The following VRK2 variants were observed in gnomAD, a reference collection of about 807,000 sequenced individuals.
VRK2 encodes serine/threonine-protein kinase VRK2.
In VRK2, 60 loss-of-function variants were observed where a neutral mutation model predicts 57.6. The observed-to-expected ratio is 1.04, with a 90% CI of 0.85 to 1.29. VRK2 has a LOEUF of 1.29. Among genes scored for constraint, VRK2 ranks in the 50% most tolerant of loss-of-function variants. The probability of loss-of-function intolerance (pLI) is 0.00; values close to 1 mark genes in which losing one functional copy is unlikely to be tolerated. For synonymous variants in VRK2, 231 were observed against 199.2 expected (o/e 1.16, Z -1.35); for missense variants, 705 against 588.1 (o/e 1.20, Z -2.06).
At chr2:57,935,575 G>T (rs888551477) in intron 1 of VRK2, among the ~76,000 whole-genome samples, 1 of 152,128 alleles carries the variant, frequency 6.6e-6, no homozygotes, top group Non-Finnish European at 1.5e-5. Context: ...TGTCCCTTGT[G>T]GGTCCGGAGG....
intron 8 of VRK2, among the ~76,000 whole-genome samples, chr2:58,123,562 T>G (rs1026619163): frequency 1.3e-5 from 2 of 152,024 alleles, no homozygotes; most frequent in African/African-American, 4.8e-5. Flanking sequence ...TATTACAGAT[T>G]TGGTAAAGTT....
chr2:57,989,369 T>G (rs10496083), intron 1 of VRK2, among the ~76,000 whole-genome samples: 6,811 of 152,322 alleles, frequency 0.045, 202 homozygotes, highest in East Asian at 0.1. Context: ...GCAATATTTC[T>G]TAATATAATT....
intron 1 of VRK2, among the ~76,000 whole-genome samples, chr2:57,924,418 C>T (rs140937678): frequency 6.6e-6 from 1 of 151,846 alleles, no homozygotes; most frequent in East Asian, 1.9e-4. Context: ...TTATAGTTTT[C>T]ATTGCAGAGA....
At chr2:58,027,337 T>A (rs1479718088) in intron 2 of VRK2, among the ~76,000 whole-genome samples, 1 of 152,096 alleles carries the variant, frequency 6.6e-6, no homozygotes, top group African/African-American at 2.4e-5. Context: ...ATTCAAATTA[T>A]ATCCAGGGAA....
At chr2:58,061,946 A>G (rs1402701504) in intron 2 of VRK2, among the ~76,000 whole-genome samples, 2 of 152,008 alleles carry the variant, frequency 1.3e-5, no homozygotes, top group East Asian at 3.9e-4. Flanking sequence ...TATCTGTTGC[A>G]TATTCAGGCT....
intron 1 of VRK2, among the ~76,000 whole-genome samples, chr2:57,913,606 C>T (rs1229594324): frequency 1.3e-5 from 2 of 152,072 alleles, no homozygotes; most frequent in African/African-American, 2.4e-5. Flanking sequence ...TATTATATTG[C>T]ACCCAAATAT....
chr2:58,015,786 A>G (rs1350424389), intron 1 of VRK2, among the ~76,000 whole-genome samples: 2 of 152,188 alleles, frequency 1.3e-5, no homozygotes, highest in Non-Finnish European at 2.9e-5. Context: ...ATTGCACAGC[A>G]TGGGAAAACA....
intron 7 of VRK2, among the ~76,000 whole-genome samples, chr2:58,111,019 G>GTTT (rs1472385125): frequency 6.6e-6 from 1 of 152,162 alleles, no homozygotes; most frequent in Non-Finnish European, 1.5e-5. Context: ...TACAAGTAAA[G>GTTT]GGCCGCTTCT....
chr2:57,992,926 C>T (rs938841926), intron 1 of VRK2, among the ~76,000 whole-genome samples: 1 of 152,118 alleles, frequency 6.6e-6, no homozygotes. Context: ...AGCCAAAGTG[C>T]CTGCATTCTG....
At chr2:58,025,977 A>G (rs1215167878) in intron 2 of VRK2, among the ~76,000 whole-genome samples, 1 of 152,188 alleles carries the variant, frequency 6.6e-6, no homozygotes. Context: ...CTGTGATTTC[A>G]GTACAGATGA....
At chr2:58,060,676 A>G (rs1020833027) in intron 2 of VRK2, among the ~76,000 whole-genome samples, 3 of 151,932 alleles carry the variant, frequency 2.0e-5, no homozygotes, top group Non-Finnish European at 4.4e-5. Flanking sequence ...CGTGAGAAAG[A>G]TTTCCCTTAT....
intron 7 of VRK2, among the ~76,000 whole-genome samples, chr2:58,112,467 TAGTAGAACTCTC>T (rs1481246707): frequency 6.6e-6 from 1 of 152,142 alleles, no homozygotes; most frequent in African/African-American, 2.4e-5. Flanking sequence ...TGAGTTATCT[TAGTAGAACTCTC>T]AGTGTGACCT....
intron 1 of VRK2, among the ~76,000 whole-genome samples, chr2:57,958,058 T>A (rs1671640131): frequency 6.6e-6 from 1 of 152,068 alleles, no homozygotes; most frequent in Admixed American, 6.6e-5. Flanking sequence ...CACAGGAGGA[T>A]CTCAGGCACT....
chr2:58,128,543 G>T (rs958567792), intron 8 of VRK2, among the ~76,000 whole-genome samples: 10 of 152,090 alleles, frequency 6.6e-5, no homozygotes, highest in African/African-American at 2.4e-4. Context: ...TGTTGGCCGG[G>T]CTGGTCTTAA....
chr2:57,943,239 A>C (rs2103960683), intron 1 of VRK2, among the ~76,000 whole-genome samples: 1 of 152,328 alleles, frequency 6.6e-6, no homozygotes, highest in South Asian at 2.1e-4. Context: ...TATCCAGCAG[A>C]CCACACCACT....
intron 5 of VRK2, among the ~76,000 whole-genome samples, chr2:58,087,717 G>A (rs1227363461): frequency 1.3e-5 from 2 of 152,220 alleles, no homozygotes; most frequent in South Asian, 4.1e-4. Context: ...GGCTGGGCAC[G>A]GTGGCTCATG....
chr2:58,060,805 G>C (rs559085698), intron 2 of VRK2, among the ~76,000 whole-genome samples: 1 of 151,900 alleles, frequency 6.6e-6, no homozygotes, highest in Admixed American at 6.6e-5. Context: ...TTAAGGAAGG[G>C]AGGTCAACTA....
At chr2:57,939,466 C>T (rs1291690158) in intron 1 of VRK2, among the ~76,000 whole-genome samples, 1 of 152,082 alleles carries the variant, frequency 6.6e-6, no homozygotes, top group Non-Finnish European at 1.5e-5. Context: ...CTTTCCATAC[C>T]TGATGTATAT....
At chr2:58,049,561 T>A (rs1334204910) in intron 2 of VRK2, among the ~76,000 whole-genome samples, 3 of 152,196 alleles carry the variant, frequency 2.0e-5, no homozygotes, top group Non-Finnish European at 4.4e-5. Context: ...GATAGGCCTT[T>A]ACATTGCATT....
Sources: gnomAD v4.1 joint callset for allele counts (sites outside exome capture counted in the v4.1 genomes callset) on GRCh38, gnomAD v4.1.1 for gene constraint, MANE v1.5 for transcripts, NCBI Gene and HGNC (gene_info 2026-07-23, HGNC 2026-07-21) for gene names.